GALK2: variants seen among roughly 807,000 people sequenced by gnomAD.
The protein encoded by GALK2 is galactokinase 2.
A neutral mutation model predicts 52.4 loss-of-function variants in GALK2; 36 were observed. The observed-to-expected ratio is 0.69, with a 90% CI of 0.53 to 0.91. GALK2 has a LOEUF of 0.91. Among genes scored for constraint, GALK2 ranks in the 40% least tolerant of loss-of-function variants. The pLI is 0.00. For synonymous variants in GALK2, 176 were observed against 199.1 expected (o/e 0.88, Z 0.98); for missense variants, 579 against 559.1 (o/e 1.04, Z -0.36).
chr15:49,304,459 C>T (rs571856541), intron 8 of GALK2, among the ~76,000 whole-genome samples: 4 of 152,302 alleles, frequency 2.6e-5, no homozygotes, highest in African/African-American at 9.6e-5. Context: ...GGCTCCATCT[C>T]AACACGTTTG....
At chr15:49,200,401 C>T (rs1298978975) in intron 1 of GALK2, among the ~76,000 whole-genome samples, 1 of 152,166 alleles carries the variant, frequency 6.6e-6, no homozygotes, top group Non-Finnish European at 1.5e-5. Flanking sequence ...CTACTTGAAA[C>T]TGCAGAATAT....
upstream of GALK2, among the ~76,000 whole-genome samples, chr15:49,168,139 T>C (rs2084882000): frequency 6.6e-6 from 1 of 152,212 alleles, no homozygotes; most frequent in African/African-American, 2.4e-5. Flanking sequence ...TACTAATTGC[T>C]CTGTAAGGTG....
chr15:49,251,132 A>G (rs1045651717), intron 5 of GALK2, among the ~76,000 whole-genome samples: 1 of 152,214 alleles, frequency 6.6e-6, no homozygotes, highest in Non-Finnish European at 1.5e-5. Flanking sequence ...ATCACAAGAA[A>G]AGAGAATTAC....
In GALK2 at chr15:49,254,097, A is replaced by G. The variant is rs1195506612; in HGVS notation, c.504+14730A>G. On this transcript the variant is annotated intron_variant, in intron 5 of 9. Coordinates refer to ENST00000560031, the MANE Select transcript of GALK2 (RefSeq NM_002044.4). ...GAGATGATTGTATCACTTTCTTATGAGCATCTTTACAGTGCCTGACATAAA... is the reference window on the plus strand; with the variant it reads ...GAGATGATTGTATCACTTTCTTATGGGCATCTTTACAGTGCCTGACATAAA... Among the ~76,000 whole-genome samples the G allele has an allele frequency of 2.1e-5, 3 of 144,740 alleles. No individual in the cohort carries two copies. The East Asian group carries it at 5.8e-4, about 28-fold the overall frequency. The allele number at this position is 144,740 out of a possible 152,430, so 95.0% of individuals were successfully genotyped here.
chr15:49,312,624 T>C (rs2036084689), intron 8 of GALK2, among the ~76,000 whole-genome samples: 1 of 152,178 alleles, frequency 6.6e-6, no homozygotes, highest in Non-Finnish European at 1.5e-5. Context: ...ATTCTCCCTC[T>C]TTTGTATACC....
Position 49,191,093 on chromosome 15 carries a change from C to T in GALK2, c.54-10069C>T, listed in dbSNP as rs115440446. On this transcript the variant is annotated intron_variant, in intron 1 of 9. Coordinates refer to ENST00000560031, the MANE Select transcript of GALK2 (RefSeq NM_002044.4). ...AGAATAAGTGTTCCAATGGGCTAAA[C>T]GGAGGTTGGTTTTATAGACAAAGGG... 2.3e-3 allele frequency among the ~76,000 whole-genome samples: 351 copies of T among 151,870 alleles called. 1 individual carries two copies. The highest frequency in any genetic ancestry group is 8.0e-3 in the African/African-American group (330 of 41,408).
At chr15:49,233,795 C>G (rs1364705741) in intron 3 of GALK2, among the ~76,000 whole-genome samples, 1 of 152,158 alleles carries the variant, frequency 6.6e-6, no homozygotes, top group African/African-American at 2.4e-5. Flanking sequence ...GACGTCCTCT[C>G]TCTATCAAAT....
At position 49,328,884 on chromosome 15, in the gene GALK2, G is replaced by A. The variant is rs2038021472; in HGVS notation, c.*725G>A. ...AACCACTTTCAATTCTTTTGGCCCT[G>A]AGCTATCTCCATTACTTAATAGAAA... On this transcript the variant is annotated 3_prime_UTR_variant, in exon 10 of 10. Transcript: ENST00000560031. The A allele has an allele frequency of 1.5e-6, 2 of 1,307,420 alleles. No individual in the cohort carries two copies. Among genetic ancestry groups the A allele is most frequent in the Admixed American group, 3.3e-5 (1 of 30,038 alleles). The allele number at this position is 1,307,420 out of a possible 1,614,324, so 81.0% of individuals were successfully genotyped here.
chr15:49,216,167 G>A (rs1020533374), intron 2 of GALK2, among the ~76,000 whole-genome samples: 39 of 152,142 alleles, frequency 2.6e-4, no homozygotes, highest in Non-Finnish European at 5.1e-4. Context: ...CACTGTGCTA[G>A]GTCACACCTG....
At chr15:49,255,937 T>C (rs2091798524) in intron 5 of GALK2, among the ~76,000 whole-genome samples, 1 of 152,170 alleles carries the variant, frequency 6.6e-6, no homozygotes, top group South Asian at 2.1e-4. Flanking sequence ...TTCTTCATTG[T>C]TTTGTTTAGG....
chr15:49,328,853 A>G lies in GALK2; in HGVS notation c.*694A>G. On this transcript the variant is annotated 3_prime_UTR_variant, in exon 10 of 10. Transcript: ENST00000560031. ...TGAATATTTGTAAACCATGTAATATATAAATAACCACTTTCAATTCTTTTG... is the reference window on the plus strand; with the variant it reads ...TGAATATTTGTAAACCATGTAATATGTAAATAACCACTTTCAATTCTTTTG... 1 of 1,353,096 alleles carries G rather than the reference A, an allele frequency of 7.4e-7. No individual in the cohort carries two copies. The highest frequency in any genetic ancestry group is 9.5e-7 in the Non-Finnish European group (1 of 1,051,346). 83.8% of individuals were successfully genotyped at this position (1,353,096 alleles called of 1,614,324 possible).
intron 1 of GALK2, among the ~76,000 whole-genome samples, chr15:49,172,048 C>T (rs2085138671): frequency 6.6e-6 from 1 of 152,212 alleles, no homozygotes. Context: ...GCTGGGATTA[C>T]AGGCGTGAGC....
intron 3 of GALK2, among the ~76,000 whole-genome samples, chr15:49,361,178 C>A (rs568257638): frequency 6.6e-6 from 1 of 152,088 alleles, no homozygotes; most frequent in East Asian, 1.9e-4. Flanking sequence ...TAAATATATA[C>A]AATTATAATT....
At chr15:49,290,621 T>C (rs1157478244) in intron 7 of GALK2, among the ~76,000 whole-genome samples, 1 of 152,218 alleles carries the variant, frequency 6.6e-6, no homozygotes, top group Non-Finnish European at 1.5e-5. Context: ...GAATGGGAAC[T>C]TGGAGATTAC....
intron 3 of GALK2, chr15:49,223,063 C>T (rs2089916367): frequency 6.6e-6 from 1 of 152,110 alleles, no homozygotes; most frequent in Admixed American, 6.5e-5. Context: ...AATCTTGGTA[C>T]TTGTTACTAG....
chr15:49,334,337 A>T, downstream of GALK2: 1 of 593,908 alleles, frequency 1.7e-6, no homozygotes, highest in South Asian at 7.5e-5. Context: ...TAATGCAGGC[A>T]TTACTAATTG....
At chr15:49,277,137 ATTTTTTTTTTTTTTTTTTTTT>A in intron 5 of GALK2, among the ~76,000 whole-genome samples, 1 of 35,952 alleles carries the variant, frequency 2.8e-5, no homozygotes, top group African/African-American at 8.4e-5. Context: ...TAATTTTTGT[ATTTTTTTTTTTTTTTTTTTTT>A]TTTTTTTTTT....
intron 5 of GALK2, among the ~76,000 whole-genome samples, chr15:49,265,286 TC>T (rs1595889915): frequency 6.6e-6 from 1 of 152,104 alleles, no homozygotes; most frequent in Non-Finnish European, 1.5e-5. Context: ...GCGCGCGCCC[TC>T]CCCCAGCCTG....
At chr15:49,163,413 T>C (rs2084718697) in intron 1 of GALK2, among the ~76,000 whole-genome samples, 1 of 152,206 alleles carries the variant, frequency 6.6e-6, no homozygotes, top group Non-Finnish European at 1.5e-5. Flanking sequence ...CTAAGGGCGC[T>C]GAGATTTTCA....
Sources: gnomAD v4.1 joint callset for allele counts (sites outside exome capture counted in the v4.1 genomes callset) on GRCh38, gnomAD v4.1.1 for gene constraint, MANE v1.5 for transcripts, NCBI Gene and HGNC (gene_info 2026-07-23, HGNC 2026-07-21) for gene names.